PREX2: variants seen among roughly 807,000 people sequenced by gnomAD.
The protein encoded by PREX2 is phosphatidylinositol 3,4,5-trisphosphate-dependent Rac exchanger 2 protein.
PREX2 carries 107 observed loss-of-function variants against 203.2 expected under a neutral mutation model. That is an observed-to-expected ratio of 0.53 (90% CI 0.45 to 0.62). The LOEUF is 0.62. Among genes scored for constraint, PREX2 ranks in the 20% least tolerant of loss-of-function variants. PREX2 has a pLI of 0.00. For missense variants in PREX2, 1,777 were observed against 1,955.9 expected, an observed-to-expected ratio of 0.91 and a Z score of 1.72; for synonymous variants, 672 against 663.6, an observed-to-expected ratio of 1.01 and a Z score of -0.19.
chr8:68,088,412 A>T (rs1049572311), intron 19 of PREX2, among the ~76,000 whole-genome samples: 1 of 152,354 alleles, frequency 6.6e-6, no homozygotes, highest in Admixed American at 6.5e-5. Context: ...ATTACTAAAC[A>T]TAGTAAGTAA....
intron 37 of PREX2, among the ~76,000 whole-genome samples, chr8:68,208,414 A>C (rs1309672839): frequency 6.6e-6 from 1 of 152,144 alleles, no homozygotes; most frequent in Non-Finnish European, 1.5e-5. Context: ...CCACTCTGGC[A>C]AGGTTTTAAA....
chr8:68,092,925 A>G (rs528063665), intron 20 of PREX2, among the ~76,000 whole-genome samples: 7 of 152,272 alleles, frequency 4.6e-5, no homozygotes, highest in Non-Finnish European at 1.0e-4. Flanking sequence ...AAGTGCTGAG[A>G]TTATAAGTGT....
intron 37 of PREX2, among the ~76,000 whole-genome samples, chr8:68,201,187 C>T (rs1812493577): frequency 6.6e-6 from 1 of 151,902 alleles, no homozygotes; most frequent in Admixed American, 6.6e-5. Flanking sequence ...TTTAACTACT[C>T]TAATAAGTGA....
chr8:68,026,054 C>T (rs1807706371), intron 4 of PREX2, among the ~76,000 whole-genome samples: 1 of 152,034 alleles, frequency 6.6e-6, no homozygotes, highest in South Asian at 2.1e-4. Context: ...GGGGAAAATA[C>T]CATATATAGT....
At chr8:68,014,611 C>T (rs943854376) in intron 1 of PREX2, among the ~76,000 whole-genome samples, 29 of 152,242 alleles carry the variant, frequency 1.9e-4, no homozygotes, top group Non-Finnish European at 3.1e-4. Context: ...ACGTCCTCTG[C>T]GGGGTGCCAG....
intron 37 of PREX2, among the ~76,000 whole-genome samples, chr8:68,200,905 ATAT>A (rs1325368795): frequency 1.3e-5 from 2 of 152,174 alleles, no homozygotes; most frequent in Non-Finnish European, 2.9e-5. Context: ...GAATACATAA[ATAT>A]TAGTTATATT....
chr8:68,003,249 C>G (rs921427504), intron 1 of PREX2, among the ~76,000 whole-genome samples: 2 of 152,050 alleles, frequency 1.3e-5, no homozygotes, highest in Admixed American at 1.3e-4. Flanking sequence ...CTCCTGGGCT[C>G]AAGTGATCCT....
In PREX2 at chr8:68,055,967, C is replaced by T; in HGVS notation, c.1231C>T (p.Leu411Phe). ...RKLTTFPKCFLGSEFVSWLLE... is the reference protein window; with the variant it reads ...RKLTTFPKCFFGSEFVSWLLE... ...ACTGACTACGTTCCCTAAATGCTTTCTTGGAAGGTAGGGTTGGGAGTTTGG... is the reference window on the plus strand; with the variant it reads ...ACTGACTACGTTCCCTAAATGCTTTTTTGGAAGGTAGGGTTGGGAGTTTGG... The change falls in exon 10 of 40, where the codon CTT becomes TTT. Residue 411 changes from leucine (L) to phenylalanine (F), a missense_variant. Coordinates refer to ENST00000288368, the MANE Select transcript of PREX2 (RefSeq NM_024870.4). The T allele has an allele frequency of 6.2e-7, 1 of 1,610,314 alleles. No individual in the cohort carries two copies. The highest frequency in any genetic ancestry group is 8.5e-7 in the Non-Finnish European group (1 of 1,178,926).
intron 23 of PREX2, chr8:68,100,050 G>C (rs896735395): frequency 5.8e-6 from 4 of 692,024 alleles, no homozygotes; most frequent in Admixed American, 1.8e-5. Context: ...TTATGTTACT[G>C]TCCCACATCT....
At chr8:68,137,936 T>G (rs1305307767) in intron 32 of PREX2, among the ~76,000 whole-genome samples, 1 of 152,258 alleles carries the variant, frequency 6.6e-6, no homozygotes, top group African/African-American at 2.4e-5. Context: ...TTAAAATTGA[T>G]TTTAATCACA....
At chr8:68,193,992 A>AT (rs1812346183) in intron 37 of PREX2, among the ~76,000 whole-genome samples, 2 of 152,210 alleles carry the variant, frequency 1.3e-5, no homozygotes, top group Non-Finnish European at 1.5e-5. Flanking sequence ...TTTCACTTTA[A>AT]TTTTCATTGC....
intron 8 of PREX2, among the ~76,000 whole-genome samples, chr8:68,045,159 C>T (rs1264076858): frequency 1.3e-5 from 2 of 151,356 alleles, no homozygotes; most frequent in Non-Finnish European, 2.9e-5. Flanking sequence ...ATTTAATAAG[C>T]TAATTTATGA....
Position 67,958,570 on chromosome 8 carries a change from A to G in PREX2, c.141+6035A>G, listed in dbSNP as rs577709642. ...AACAAAGATTGAAGTCTAGTTACCC[A>G]TTAAGAGTCTGTCATTGCATTAGTC... On this transcript the variant is annotated intron_variant, in intron 1 of 39. Coordinates refer to ENST00000288368, the MANE Select transcript of PREX2 (RefSeq NM_024870.4). 2.5e-3 allele frequency among the ~76,000 whole-genome samples: 384 copies of G among 152,346 alleles called. 2 individuals carry two copies. Among genetic ancestry groups the G allele is most frequent in the Middle Eastern group, 0.02 (6 of 294 alleles).
intron 30 of PREX2, among the ~76,000 whole-genome samples, chr8:68,126,059 A>T (rs1000293770): frequency 6.6e-6 from 1 of 152,106 alleles, no homozygotes; most frequent in Non-Finnish European, 1.5e-5. Context: ...GGGCTTTCTA[A>T]TCATATCCCA....
intron 6 of PREX2, among the ~76,000 whole-genome samples, chr8:68,035,467 C>T (rs1808001256): frequency 6.6e-6 from 1 of 152,106 alleles, no homozygotes; most frequent in Non-Finnish European, 1.5e-5. Flanking sequence ...TTTCTCTCTG[C>T]AGTCAGTTCA....
At chr8:68,165,439 C>T (rs535668664) in intron 35 of PREX2, among the ~76,000 whole-genome samples, 1 of 151,822 alleles carries the variant, frequency 6.6e-6, no homozygotes, top group South Asian at 2.1e-4. Flanking sequence ...TTTTTTATCC[C>T]CCATCCCCTC....
chr8:68,108,999 G>C (rs1810476911), intron 24 of PREX2: 1 of 446,814 alleles, frequency 2.2e-6, no homozygotes, highest in Non-Finnish European at 4.5e-6. Flanking sequence ...TAAAAAAGTT[G>C]ATCTCATAGA....
intron 35 of PREX2, among the ~76,000 whole-genome samples, chr8:68,171,089 C>T (rs897734927): frequency 5.3e-5 from 8 of 152,024 alleles, no homozygotes; most frequent in Non-Finnish European, 8.8e-5. Context: ...TATATGTTAG[C>T]TACTGAGATT....
intron 35 of PREX2, among the ~76,000 whole-genome samples, chr8:68,189,269 T>G (rs939838372): frequency 6.6e-6 from 1 of 152,088 alleles, no homozygotes; most frequent in Non-Finnish European, 1.5e-5. Flanking sequence ...AAACGTCCAG[T>G]CTTCTGGCAA....
Sources: gnomAD v4.1 joint callset for allele counts (sites outside exome capture counted in the v4.1 genomes callset) on GRCh38, gnomAD v4.1.1 for gene constraint, MANE v1.5 for transcripts, NCBI Gene and HGNC (gene_info 2026-07-23, HGNC 2026-07-21) for gene names.